The following GRIN2D variants were observed in gnomAD, a reference collection of about 807,000 sequenced individuals.
The protein encoded by GRIN2D is glutamate receptor ionotropic, NMDA 2D.
In GRIN2D, 37 loss-of-function variants were observed where a neutral mutation model predicts 103.2. That is an observed-to-expected ratio of 0.36 (90% CI 0.28 to 0.47). The LOEUF (loss-of-function observed/expected upper bound fraction) is 0.47. GRIN2D is among the 20% of genes least tolerant of loss of function. The pLI is 1.00. For synonymous variants in GRIN2D, 845 were observed against 885.6 expected (o/e 0.95, Z 0.81); for missense variants, 1,557 against 1,910.6 (o/e 0.81, Z 3.45).
Position 48,443,148 on chromosome 19 carries a change from A to G in GRIN2D, c.3222A>G (p.Pro1074=), listed in dbSNP as rs112893228. The G allele has an allele frequency of 0.88, 874,541 of 992,128 alleles. 388,911 individuals are homozygous for G. The highest frequency in any genetic ancestry group is 0.91 in the Non-Finnish European group (758,867 of 835,766). 61.5% of individuals were successfully genotyped at this position (992,128 alleles called of 1,614,324 possible). A position where few individuals can be genotyped will look rare whatever the true frequency, so the allele number is the denominator to read the frequency against. Residue 1074 remains proline (P), a synonymous_variant, in exon 14 of 14, where the codon CCA becomes CCG. Coordinates refer to ENST00000263269, the MANE Select transcript of GRIN2D (RefSeq NM_000836.4). The surrounding 1 kb of genome is among the most constrained non-coding windows in gnomAD (Gnocchi z 8.9). The part of the protein sequence containing the change: ...SDPESQPLLG[P]GAGGAGGTGG... ...CCGAGAGCCAACCCCTGCTGGGGCC[A>G]GGCGCGGGCGGCGCGGGGGGCACGG...
At chr19:48,429,930 GTTTATTGTATCACTTTGTGA>G (rs1971135553) in intron 11 of GRIN2D, among the ~76,000 whole-genome samples, 1 of 152,080 alleles carries the variant, frequency 6.6e-6, no homozygotes, top group Non-Finnish European at 1.5e-5. Context: ...CTTTCACCTT[GTTTATTGTATCACTTTGTGA>G]TTTATCTCCC....
intron 4 of GRIN2D, among the ~76,000 whole-genome samples, chr19:48,412,738 G>C (rs1359716022): frequency 6.7e-6 from 1 of 149,370 alleles, no homozygotes; most frequent in African/African-American, 2.5e-5. Context: ...GCAGTGAGCT[G>C]AGACCACACC....
At chr19:48,423,308 T>C (rs892200) in intron 11 of GRIN2D, among the ~76,000 whole-genome samples, 75,053 of 152,040 alleles carry the variant, frequency 0.49, 18,933 homozygotes, top group African/African-American at 0.6. Flanking sequence ...CCGTCCTGCA[T>C]TTACTCAGTC....
At chr19:48,429,770 GCTGGT>G (rs1971134295) in intron 11 of GRIN2D, among the ~76,000 whole-genome samples, 3 of 150,070 alleles carry the variant, frequency 2.0e-5, no homozygotes, top group African/African-American at 7.4e-5. Context: ...TGTTGCTTAG[GCTGGT>G]CTTGAATTCC....
chr19:48,393,823 G>A lies in GRIN2D; in HGVS notation c.-351G>A, dbSNP rs1028094652. ...CCTGCTGGGGGTGTTGCCTGGGTAG[G>A]TCGGCCCGGCCCCCAGGGGTCTCTC... On this transcript the variant is annotated 5_prime_UTR_variant, in exon 1 of 14. Coordinates refer to ENST00000263269, the MANE Select transcript of GRIN2D (RefSeq NM_000836.4). The surrounding 1 kb of genome is among the most constrained non-coding windows in gnomAD (Gnocchi z 5.6). 6.6e-6 allele frequency among the ~76,000 whole-genome samples: 1 copy of A among 151,996 alleles called. No homozygotes were observed. Among genetic ancestry groups the A allele is most frequent in the Non-Finnish European group, 1.5e-5 (1 of 67,964 alleles).
intron 8 of GRIN2D, among the ~76,000 whole-genome samples, chr19:48,418,475 T>C (rs998403264): frequency 1.3e-5 from 2 of 151,908 alleles, no homozygotes; most frequent in Non-Finnish European, 2.9e-5. Flanking sequence ...AGGGGCCAGG[T>C]CCTCTCTGTG....
At chr19:48,401,144 C>T (rs1307867623) in intron 3 of GRIN2D, among the ~76,000 whole-genome samples, 1 of 151,940 alleles carries the variant, frequency 6.6e-6, no homozygotes, top group Non-Finnish European at 1.5e-5. Flanking sequence ...GCAGTATCCC[C>T]TGTGCGCCTA....
In GRIN2D at chr19:48,442,656, G is replaced by A; in HGVS notation, c.2730G>A (p.Pro910=). The A allele has an allele frequency of 6.9e-7, 1 of 1,455,410 alleles. No individual in the cohort carries two copies. The highest frequency in any genetic ancestry group is 9.1e-7 in the Non-Finnish European group (1 of 1,098,408). 90.2% of individuals were successfully genotyped at this position (1,455,410 alleles called of 1,614,324 possible). A position where few individuals can be genotyped will look rare whatever the true frequency, so the allele number is the denominator to read the frequency against. Residue 910 remains proline (P), a synonymous_variant, in exon 14 of 14, where the codon CCG becomes CCA. Transcript: ENST00000263269. The surrounding 1 kb of genome is among the most constrained non-coding windows in gnomAD (Gnocchi z 7.2). Reference sequence around the variant, plus strand: ...CCCCACCGCCCGCCAAGCCCCCGCCGCCGCCACAGCCCCTGCCCAGCCCCG... The same window carrying A: ...CCCCACCGCCCGCCAAGCCCCCGCCACCGCCACAGCCCCTGCCCAGCCCCG... ...EAAPPPAKPP[P]PPQPLPSPAY...
At chr19:48,402,137 AAAG>A (rs1341613166) in intron 3 of GRIN2D, among the ~76,000 whole-genome samples, 2 of 139,160 alleles carry the variant, frequency 1.4e-5, no homozygotes, top group Non-Finnish European at 3.2e-5. Flanking sequence ...AGAAAGAAAG[AAAG>A]AAAGAAAGAA....
At chr19:48,403,092 A>G (rs1252619717) in intron 3 of GRIN2D, among the ~76,000 whole-genome samples, 1 of 151,280 alleles carries the variant, frequency 6.6e-6, no homozygotes, top group African/African-American at 2.4e-5. Flanking sequence ...CCAGCTACTC[A>G]GAAGGCTGAG....
At chr19:48,428,112 C>T (rs1328185623) in intron 11 of GRIN2D, among the ~76,000 whole-genome samples, 1 of 149,924 alleles carries the variant, frequency 6.7e-6, no homozygotes, top group Non-Finnish European at 1.5e-5. Flanking sequence ...TCTCGGCTCA[C>T]TGCAACCTCT....
rs1485472738 is a variant in GRIN2D at position 48,421,294 on chromosome 19, G to T, written c.2092-491G>T. Among the ~76,000 whole-genome samples the T allele has an allele frequency of 6.6e-6, 1 of 151,544 alleles. No individual in the cohort carries two copies. Among genetic ancestry groups the T allele is most frequent in the Non-Finnish European group, 1.5e-5 (1 of 67,868 alleles). On this transcript the variant is annotated intron_variant, in intron 10 of 13. Transcript: ENST00000263269. The surrounding 1 kb of genome is among the most constrained non-coding windows in gnomAD (Gnocchi z 4.8). ...AAATACAAAACTGGCTGGGCATGGT[G>T]GTATGTGCCTGTAATCCCAGCTACT...
intron 4 of GRIN2D, among the ~76,000 whole-genome samples, chr19:48,407,409 C>T (rs1970805941): frequency 6.6e-6 from 1 of 152,122 alleles, no homozygotes; most frequent in Non-Finnish European, 1.5e-5. Context: ...ATTTCTTCTC[C>T]CTCATAACTT....
At chr19:48,415,724 G>A (rs911717482) in intron 7 of GRIN2D, among the ~76,000 whole-genome samples, 1 of 151,872 alleles carries the variant, frequency 6.6e-6, no homozygotes, top group African/African-American at 2.4e-5. Flanking sequence ...GGGGAAGAGG[G>A]TGGGGCTGGG....
intron 11 of GRIN2D, among the ~76,000 whole-genome samples, chr19:48,434,058 C>T (rs1971195175): frequency 6.6e-6 from 1 of 151,328 alleles, no homozygotes; most frequent in Non-Finnish European, 1.5e-5. Flanking sequence ...ATACCATTCT[C>T]CTGCCTCAGC....
chr19:48,394,230 TGAG>T lies in GRIN2D; in HGVS notation c.-306+364_-306+366del, dbSNP rs1024131566. On this transcript the variant is annotated intron_variant, in intron 1 of 13. Transcript: ENST00000263269. This position sits in a 1 kb window ranked among gnomAD's most constrained non-coding sequence, Gnocchi z 5.1. ...GTCCCTCCTCAAGCTCTGGGGGTGT[TGAG>T]GGGGAATCCCAGGGAAGTGAGATCG... is the stretch of plus-strand genomic sequence containing the variant. 4.6e-5 allele frequency among the ~76,000 whole-genome samples: 7 copies of T among 151,688 alleles called. No individual in the cohort carries two copies. Among genetic ancestry groups the T allele is most frequent in the African/African-American group, 1.5e-4 (6 of 41,266 alleles).
At position 48,414,546 on chromosome 19, in the gene GRIN2D, C is replaced by T; in HGVS notation, c.1374C>T (p.Asp458=). Residue 458 remains aspartate, a synonymous_variant, in exon 6 of 14, where the codon GAC becomes GAT. Coordinates refer to ENST00000263269, the MANE Select transcript of GRIN2D (RefSeq NM_000836.4). This position sits in a 1 kb window ranked among gnomAD's most constrained non-coding sequence, Gnocchi z 4.6. ...CTATCAGCGGCACCTGCATCCGAGA[C>T]TCCGTCCCCTGCCGGAGCCAGCTCA... ...ADPISGTCIR[D]SVPCRSQLNR... The T allele has an allele frequency of 1.3e-6, 2 of 1,554,888 alleles. No individual in the cohort carries two copies. The highest frequency in any genetic ancestry group is 1.7e-6 in the Non-Finnish European group (2 of 1,149,680).
At chr19:48,395,377 G>A (rs537374656) in intron 2 of GRIN2D, among the ~76,000 whole-genome samples, 1 of 151,840 alleles carries the variant, frequency 6.6e-6, no homozygotes, top group South Asian at 2.1e-4. Flanking sequence ...CAAGGACCTT[G>A]AGGGCATCCA....
At chr19:48,438,508 C>T (rs1971257813) in intron 11 of GRIN2D, among the ~76,000 whole-genome samples, 1 of 151,960 alleles carries the variant, frequency 6.6e-6, no homozygotes, top group Non-Finnish European at 1.5e-5. Context: ...CCGTGTTAGC[C>T]AGGATGGTCT....
Sources: gnomAD v4.1 joint callset for allele counts (sites outside exome capture counted in the v4.1 genomes callset) on GRCh38, gnomAD v4.1.1 for gene constraint, Gnocchi (gnomAD v3.1) non-coding constraint, MANE v1.5 for transcripts, NCBI Gene and HGNC (gene_info 2026-07-23, HGNC 2026-07-21) for gene names.